Variants in UBE2O observed in about 807,000 individuals in gnomAD.
UBE2O encodes the protein ubiquitin conjugating enzyme E2 O.
In UBE2O, 15 loss-of-function variants were observed where a neutral mutation model predicts 125.8. That is an observed-to-expected ratio of 0.12 (90% CI 0.08 to 0.18). The LOEUF (loss-of-function observed/expected upper bound fraction) is 0.18. Ranked by LOEUF, UBE2O falls within the 10% of genes least tolerant of loss-of-function variation. The probability of loss-of-function intolerance (pLI) is 1.00; values close to 1 mark genes in which losing one functional copy is unlikely to be tolerated. For missense variants in UBE2O, 1,280 were observed against 1,723.6 expected, an observed-to-expected ratio of 0.74 and a Z score of 4.56; for synonymous variants, 708 against 703.2, an observed-to-expected ratio of 1.01 and a Z score of -0.11.
chr17:76,396,594 G>A lies in UBE2O; in HGVS notation c.2343C>T (p.Ala781=), dbSNP rs750765625. 5 of 1,607,458 alleles carry A rather than the reference G, an allele frequency of 3.1e-6. No homozygotes were observed. The highest frequency in any genetic ancestry group is 1.7e-5 in the Admixed American group (1 of 58,820). Residue 781 remains alanine, a synonymous_variant, in exon 14 of 18, where the codon GCC becomes GCT. Transcript: ENST00000319380. The surrounding 1 kb of genome is among the most constrained non-coding windows in gnomAD (Gnocchi z 6.7). ...DKGVVISEEA[A]TAAVQGAVAM... is the part of the protein sequence containing the mutation. ...CCACAGCCCCCTGGACGGCAGCTGT[G>A]GCTGCCTCTTCACTGATCACCACTC...
In UBE2O at chr17:76,402,024, G is replaced by A; in HGVS notation, c.750+40C>T. On this transcript the variant is annotated intron_variant, in intron 5 of 17. Transcript: ENST00000319380. The surrounding 1 kb of genome is among the most constrained non-coding windows in gnomAD (Gnocchi z 5.4). ...CGAAGTCCTCCTTCCAGAGGACTGAGCAATCAGAGAAGGGTGCTGGCCTGG... is the reference window on the plus strand; with the variant it reads ...CGAAGTCCTCCTTCCAGAGGACTGAACAATCAGAGAAGGGTGCTGGCCTGG... The A allele has an allele frequency of 6.2e-7, 1 of 1,604,470 alleles. No individual in the cohort carries two copies. The highest frequency in any genetic ancestry group is 8.5e-7 in the Non-Finnish European group (1 of 1,174,336).
At chr17:76,432,226 C>A (rs960529568) in intron 1 of UBE2O, among the ~76,000 whole-genome samples, 3 of 152,154 alleles carry the variant, frequency 2.0e-5, no homozygotes, top group Non-Finnish European at 2.9e-5. Flanking sequence ...CATTTCGGCA[C>A]AACCATGTCT....
intron 1 of UBE2O, among the ~76,000 whole-genome samples, chr17:76,441,853 T>C (rs1280351239): frequency 6.6e-6 from 1 of 152,230 alleles, no homozygotes; most frequent in East Asian, 1.9e-4. Flanking sequence ...TTCAAAGTAA[T>C]AGGCCTGGCA....
Position 76,402,285 on chromosome 17 carries a change from C to A in UBE2O, c.687-158G>T, listed in dbSNP as rs1000649812. ...GGTAGTACAAGAAACTCTCCCACAA[C>A]GAACAAGACCCCAAGTGCCACTGGA... On this transcript the variant is annotated intron_variant, in intron 4 of 17. Coordinates refer to ENST00000319380, the MANE Select transcript of UBE2O (RefSeq NM_022066.4). The surrounding 1 kb of genome is among the most constrained non-coding windows in gnomAD (Gnocchi z 5.4). Among the ~76,000 whole-genome samples the A allele has an allele frequency of 1.3e-5, 2 of 152,216 alleles. No individual in the cohort carries two copies. The highest frequency in any genetic ancestry group is 4.8e-5 in the African/African-American group (2 of 41,456).
At chr17:76,431,446 G>A (rs1322629651) in intron 1 of UBE2O, among the ~76,000 whole-genome samples, 1 of 152,146 alleles carries the variant, frequency 6.6e-6, no homozygotes, top group Non-Finnish European at 1.5e-5. Flanking sequence ...AATCCGGGAG[G>A]CACAGGTTGC....
chr17:76,444,656 ATGAC>A (rs1285309411), intron 1 of UBE2O, among the ~76,000 whole-genome samples: 4 of 152,178 alleles, frequency 2.6e-5, no homozygotes, highest in Non-Finnish European at 4.4e-5. Flanking sequence ...TAGACAGAAA[ATGAC>A]TGAAGGCGAG....
chr17:76,435,395 T>C (rs1297012436), intron 1 of UBE2O, among the ~76,000 whole-genome samples: 2 of 133,780 alleles, frequency 1.5e-5, no homozygotes, highest in East Asian at 2.3e-4. Context: ...TGTTTAAATA[T>C]ACAGATACAC....
At chr17:76,417,721 A>G (rs985573093) in intron 1 of UBE2O, among the ~76,000 whole-genome samples, 3 of 152,088 alleles carry the variant, frequency 2.0e-5, no homozygotes, top group Non-Finnish European at 4.4e-5. Context: ...AAGAATGCTA[A>G]GCATGTCCAG....
At position 76,399,256 on chromosome 17, in the gene UBE2O, T is replaced by C. The variant is rs1044349812; in HGVS notation, c.1628+193A>G. 1.4e-6 allele frequency: 1 copy of C among 714,884 alleles called. No homozygotes were observed. The highest frequency in any genetic ancestry group is 2.9e-5 in the Admixed American group (1 of 34,414). 44.3% of individuals were successfully genotyped at this position (714,884 alleles called of 1,614,324 possible). On this transcript the variant is annotated intron_variant, in intron 9 of 17. Transcript: ENST00000319380. This position sits in a 1 kb window ranked among gnomAD's most constrained non-coding sequence, Gnocchi z 6.9. The stretch of plus-strand genomic sequence containing the variant: ...TTAAGGCCACCACCATCCCACCCTC[T>C]GCACCACTCCTCAGTCTCTGCTTTC...
chr17:76,417,190 C>A (rs904334241), intron 1 of UBE2O, among the ~76,000 whole-genome samples: 4 of 152,218 alleles, frequency 2.6e-5, no homozygotes, highest in African/African-American at 9.6e-5. Flanking sequence ...ACCTGCCTGG[C>A]ACCTCTCCCT....
In UBE2O at chr17:76,446,364, G is replaced by T. The variant is rs558609341; in HGVS notation, c.417+6361C>A. ...TTTAAAAAGTGCTGGCCCCCAACAG[G>T]TTCCACTGGATTCCATGAGCCCCCA... On this transcript the variant is annotated intron_variant, in intron 1 of 17. Transcript: ENST00000319380. Among the ~76,000 whole-genome samples, 11 of 152,174 alleles carry T rather than the reference G, an allele frequency of 7.2e-5. No individual in the cohort carries two copies. In the East Asian group the frequency reaches 1.4e-3, roughly 19 times the overall value.
chr17:76,405,254 G>A lies in UBE2O; in HGVS notation c.540C>T (p.Thr180=), dbSNP rs140923805. 1,722 of 1,613,390 alleles carry A rather than the reference G, an allele frequency of 1.1e-3. 3 individuals are homozygous for A. The highest frequency in any genetic ancestry group is 1.3e-3 in the Non-Finnish European group (1,541 of 1,179,622). ...TGTTGACGGGATAGATGATGCAGTT[G>A]GTGCCGATGAGCTTGACGGCACAGT... is the stretch of plus-strand genomic sequence containing the variant. ...NIDCAVKLIG[T]NCIIYPVNSK... The change falls in exon 3 of 18, where the codon ACC becomes ACT. Residue 180 remains threonine (T), a synonymous_variant. Coordinates refer to ENST00000319380, the MANE Select transcript of UBE2O (RefSeq NM_022066.4). This position sits in a 1 kb window ranked among gnomAD's most constrained non-coding sequence, Gnocchi z 6.1.
chr17:76,395,492 G>T lies in UBE2O; in HGVS notation c.2946+233C>A. ...CGGGTGTGAGCCACTGCGCCCGGCC[G>T]AGAAAGTAATTTTTTAAAGGAGGGA... On this transcript the variant is annotated intron_variant, in intron 15 of 17. Transcript: ENST00000319380. This position sits in a 1 kb window ranked among gnomAD's most constrained non-coding sequence, Gnocchi z 5.0. 1 of 475,752 alleles carries T rather than the reference G, an allele frequency of 2.1e-6. No homozygotes were observed. The highest frequency in any genetic ancestry group is 3.3e-5 in the South Asian group (1 of 30,116). 29.5% of individuals were successfully genotyped at this position (475,752 alleles called of 1,614,324 possible).
chr17:76,400,966 G>A lies in UBE2O; in HGVS notation c.894+45C>T, dbSNP rs750686120. 1.2e-6 allele frequency: 2 copies of A among 1,607,200 alleles called. No individual in the cohort carries two copies. Among genetic ancestry groups the A allele is most frequent in the East Asian group, 2.2e-5 (1 of 44,792 alleles). On this transcript the variant is annotated intron_variant, in intron 6 of 17. Coordinates refer to ENST00000319380, the MANE Select transcript of UBE2O (RefSeq NM_022066.4). This position sits in a 1 kb window ranked among gnomAD's most constrained non-coding sequence, Gnocchi z 4.3. ...AGGGGCAGCAGCTCAGCTCCAGGGT[G>A]TGGAGGTCAAGGACTCCATCTCCTA...
Position 76,405,259 on chromosome 17 carries a change from C to G in UBE2O, c.535G>C (p.Gly179Arg), listed in dbSNP as rs769964343. ...VNIDCAVKLI[G>R]TNCIIYPVNS... The stretch of plus-strand genomic sequence containing the variant: ...ACGGGATAGATGATGCAGTTGGTGC[C>G]GATGAGCTTGACGGCACAGTCGATG... The change falls in exon 3 of 18, where the codon GGC (glycine) becomes CGC (arginine). Residue 179 changes from glycine (G) to arginine (R), a missense_variant. Gly to Arg is a moderately radical substitution (Grantham distance 125). Transcript: ENST00000319380. The surrounding 1 kb of genome is among the most constrained non-coding windows in gnomAD (Gnocchi z 6.1). The G allele has an allele frequency of 1.2e-6, 2 of 1,613,368 alleles. No individual in the cohort carries two copies. Among genetic ancestry groups the G allele is most frequent in the Non-Finnish European group, 1.7e-6 (2 of 1,179,672 alleles).
In UBE2O at chr17:76,395,940, G is replaced by A. The variant is rs558803135; in HGVS notation, c.2810-79C>T. The A allele has an allele frequency of 6.3e-7, 1 of 1,593,056 alleles. No individual in the cohort carries two copies. The highest frequency in any genetic ancestry group is 2.2e-5 in the East Asian group (1 of 44,794). On this transcript the variant is annotated intron_variant, in intron 14 of 17. Coordinates refer to ENST00000319380, the MANE Select transcript of UBE2O (RefSeq NM_022066.4). This position sits in a 1 kb window ranked among gnomAD's most constrained non-coding sequence, Gnocchi z 5.0. ...TCTGCCAACCTGGCTGGACAGGTGAGCACACCCACAGACTTCCCACTCGCC... is the reference window on the plus strand; with the variant it reads ...TCTGCCAACCTGGCTGGACAGGTGAACACACCCACAGACTTCCCACTCGCC...
intron 1 of UBE2O, among the ~76,000 whole-genome samples, chr17:76,446,973 G>A (rs1033293506): frequency 6.6e-6 from 1 of 152,172 alleles, no homozygotes; most frequent in African/African-American, 2.4e-5. Flanking sequence ...GAAGCACACC[G>A]CCAGTGCGAA....
chr17:76,423,893 G>GTTTTTTT (rs2072753267), intron 1 of UBE2O, among the ~76,000 whole-genome samples: 1 of 81,946 alleles, frequency 1.2e-5, no homozygotes, highest in African/African-American at 4.0e-5. Context: ...TCCAGGTTGG[G>GTTTTTTT]TTCTTTTTTT....
At position 76,398,283 on chromosome 17, in the gene UBE2O, T is replaced by C; in HGVS notation, c.1997A>G (p.Glu666Gly). 1 of 1,614,162 alleles carries C rather than the reference T, an allele frequency of 6.2e-7. No individual in the cohort carries two copies. ...TDIVIRIGNT[E>G]DGAPHKEDEP... ...ATCCTCCTTGTGAGGAGCCCCATCCTCAGTATTGCCGATGCGGATGACGAT... is the reference window on the plus strand; with the variant it reads ...ATCCTCCTTGTGAGGAGCCCCATCCCCAGTATTGCCGATGCGGATGACGAT... The change falls in exon 12 of 18, where the codon GAG becomes GGG. Residue 666 changes from glutamate to glycine, a missense_variant. By Grantham distance (98) the Glu-to-Gly change is moderately conservative. Coordinates refer to ENST00000319380, the MANE Select transcript of UBE2O (RefSeq NM_022066.4). This position sits in a 1 kb window ranked among gnomAD's most constrained non-coding sequence, Gnocchi z 5.4.
Sources: allele counts gnomAD v4.1 joint callset (sites outside exome capture counted in the v4.1 genomes callset), GRCh38; gene constraint gnomAD v4.1.1; non-coding constraint Gnocchi (gnomAD v3.1); transcripts MANE v1.5; gene names NCBI Gene and HGNC (gene_info 2026-07-23, HGNC 2026-07-21).